Variants in ALDH1A1 observed in about 807,000 individuals in gnomAD.
ALDH1A1 encodes the protein aldehyde dehydrogenase 1A1.
ALDH1A1 carries 19 observed loss-of-function variants against 62.1 expected under a neutral mutation model. That is an observed-to-expected ratio of 0.31 (90% confidence interval 0.21 to 0.45). The LOEUF is 0.45. Ranked by LOEUF, ALDH1A1 falls within the 20% of genes least tolerant of loss-of-function variation. ALDH1A1 has a pLI of 1.00. For synonymous variants in ALDH1A1, 231 were observed against 215.9 expected (o/e 1.07, Z -0.61); for missense variants, 521 against 607.1 (o/e 0.86, Z 1.49).
At position 72,929,032 on chromosome 9, in the gene ALDH1A1, T is replaced by C. The variant is rs558934997; in HGVS notation, c.313-11A>G. 10 of 1,600,020 alleles carry C rather than the reference T, an allele frequency of 6.2e-6. No individual in the cohort carries two copies. The highest frequency in any genetic ancestry group is 7.7e-6 in the Non-Finnish European group (9 of 1,176,178). On this transcript the variant is annotated splice_polypyrimidine_tract_variant and intron_variant, in intron 3 of 12. Transcript: ENST00000297785. ...CATTGACTCCATTGTCTGAAAAACA[T>C]GTCAAACACCAAATCTAAAATTCCA... is the stretch of plus-strand genomic sequence containing the variant.
At chr9:72,918,442 C>T (rs1307636548) in intron 8 of ALDH1A1, among the ~76,000 whole-genome samples, 1 of 151,978 alleles carries the variant, frequency 6.6e-6, no homozygotes, top group African/African-American at 2.4e-5. Flanking sequence ...TACACCATGG[C>T]ATTTAAATGC....
At chr9:72,912,581 G>T (rs892513967) in intron 9 of ALDH1A1, among the ~76,000 whole-genome samples, 1 of 152,108 alleles carries the variant, frequency 6.6e-6, no homozygotes, top group Non-Finnish European at 1.5e-5. Flanking sequence ...GAAGACTCCC[G>T]AGCCTCTGTT....
At chr9:72,930,254 A>G (rs1053876050) in intron 3 of ALDH1A1, among the ~76,000 whole-genome samples, 1 of 152,200 alleles carries the variant, frequency 6.6e-6, no homozygotes, top group Non-Finnish European at 1.5e-5. Flanking sequence ...TAAAACATAA[A>G]CAAACAAAAA....
At chr9:72,910,192 T>C (rs1293800398) in intron 10 of ALDH1A1, among the ~76,000 whole-genome samples, 2 of 152,194 alleles carry the variant, frequency 1.3e-5, no homozygotes, top group African/African-American at 4.8e-5. Flanking sequence ...GATAATCTGC[T>C]GGATAAATGA....
intron 7 of ALDH1A1, among the ~76,000 whole-genome samples, chr9:72,920,605 T>G (rs1380510274): frequency 1.3e-5 from 2 of 152,278 alleles, no homozygotes; most frequent in Middle Eastern, 6.8e-3. Context: ...AGAACTAGGA[T>G]GAAGAATGGT....
intron 2 of ALDH1A1, among the ~76,000 whole-genome samples, chr9:72,935,473 T>C (rs987571029): frequency 1.3e-5 from 2 of 152,216 alleles, no homozygotes; most frequent in Non-Finnish European, 2.9e-5. Context: ...ATGGTACATT[T>C]CCATATTAAA....
intron 2 of ALDH1A1, among the ~76,000 whole-genome samples, chr9:72,934,526 T>A (rs576338221): frequency 4.6e-5 from 7 of 152,298 alleles, no homozygotes; most frequent in Admixed American, 2.6e-4. Flanking sequence ...ACTTAGTGTT[T>A]ACATTTTTTC....
chr9:72,942,174 TCTAG>T, intron 1 of ALDH1A1: 2 of 514,152 alleles, frequency 3.9e-6, no homozygotes, highest in Non-Finnish European at 5.0e-6. Context: ...GAATCAACAC[TCTAG>T]CTATCAGAAA....
chr9:72,919,033 C>T (rs1023286703), intron 7 of ALDH1A1, among the ~76,000 whole-genome samples: 5 of 152,030 alleles, frequency 3.3e-5, no homozygotes, highest in African/African-American at 1.2e-4. Flanking sequence ...CTCCGCCTCC[C>T]GGGTTCAAGT....
intron 9 of ALDH1A1, among the ~76,000 whole-genome samples, chr9:72,912,387 A>G (rs79282726): frequency 2.3e-4 from 35 of 152,336 alleles, no homozygotes; most frequent in African/African-American, 8.2e-4. Context: ...CTGCAAACAC[A>G]TAAAAAACAC....
chr9:72,918,701 C>A lies in ALDH1A1; in HGVS notation c.850+19G>T. 1 of 1,255,416 alleles carries A rather than the reference C, an allele frequency of 8.0e-7. No individual in the cohort carries two copies. Among genetic ancestry groups the A allele is most frequent in the Non-Finnish European group, 1.0e-6 (1 of 970,236 alleles). 77.8% of individuals were successfully genotyped at this position (1,255,416 alleles called of 1,614,324 possible). On this transcript the variant is annotated intron_variant, in intron 8 of 12. Coordinates refer to ENST00000297785, the MANE Select transcript of ALDH1A1 (RefSeq NM_000689.5). Reference sequence around the variant, plus strand: ...AAAACGATGAAGGACGAAAAGTTAACAAAGTGGTTTCTACTCACAGTCGGC... The same window carrying A: ...AAAACGATGAAGGACGAAAAGTTAAAAAAGTGGTTTCTACTCACAGTCGGC...
At chr9:72,951,146 C>T (rs987400681) in intron 1 of ALDH1A1, among the ~76,000 whole-genome samples, 2 of 151,890 alleles carry the variant, frequency 1.3e-5, no homozygotes, top group Admixed American at 1.3e-4. Context: ...GAGCAAAACG[C>T]CTGCTCTTTG....
intron 1 of ALDH1A1, among the ~76,000 whole-genome samples, chr9:72,950,899 T>A (rs1424115207): frequency 1.3e-5 from 2 of 151,564 alleles, no homozygotes; most frequent in Non-Finnish European, 2.9e-5. Flanking sequence ...GCAAATTCAA[T>A]CCAATTCTTC....
rs116227151 is a variant in ALDH1A1 at position 72,929,677 on chromosome 9, C to A, written c.313-656G>T. On this transcript the variant is annotated intron_variant, in intron 3 of 12. Transcript: ENST00000297785. ...CTCCCCTTTGGCTTCTCTTCTTAAG[C>A]AGGACCTTAAGCTCTTTGAGATCTA... is the stretch of plus-strand genomic sequence containing the variant. Among the ~76,000 whole-genome samples, 311 of 152,312 alleles carry A rather than the reference C, an allele frequency of 2.0e-3. 1 individual carries two copies. Among genetic ancestry groups the A allele is most frequent in the African/African-American group, 7.1e-3 (297 of 41,570 alleles).
At chr9:72,931,543 C>A (rs1830282758) in intron 2 of ALDH1A1, among the ~76,000 whole-genome samples, 1 of 152,138 alleles carries the variant, frequency 6.6e-6, no homozygotes, top group Admixed American at 6.5e-5. Flanking sequence ...TACAGGAATT[C>A]CAGGTCAAGC....
chr9:72,947,451 A>G (rs370298437), intron 1 of ALDH1A1, among the ~76,000 whole-genome samples: 2 of 152,146 alleles, frequency 1.3e-5, no homozygotes, highest in African/African-American at 4.8e-5. Flanking sequence ...AAAGACTGTT[A>G]AGAACACAGA....
At chr9:72,934,265 T>G (rs1016031506) in intron 2 of ALDH1A1, among the ~76,000 whole-genome samples, 1 of 152,144 alleles carries the variant, frequency 6.6e-6, no homozygotes, top group Non-Finnish European at 1.5e-5. Flanking sequence ...AATCCTTCCT[T>G]TCAGTTTTCA....
In ALDH1A1 at chr9:72,928,884, A is replaced by T; in HGVS notation, c.442+8T>A. On this transcript the variant is annotated splice_region_variant and intron_variant, in intron 4 of 12. Coordinates refer to ENST00000297785, the MANE Select transcript of ALDH1A1 (RefSeq NM_000689.5). ...CCTCACCATTAGTGGTTTCTCAAAG[A>T]TACTTACCAATTGGTATTGTACGGC... is the stretch of plus-strand genomic sequence containing the variant. The T allele has an allele frequency of 6.2e-7, 1 of 1,613,114 alleles. No homozygotes were observed.
intron 1 of ALDH1A1, chr9:72,942,474 A>T (rs1332152122): frequency 1.4e-6 from 1 of 716,916 alleles, no homozygotes; most frequent in Non-Finnish European, 1.7e-6. Context: ...CAAGTATAAA[A>T]AAGCTTTCCC....
Sources: gnomAD v4.1 joint callset for allele counts (sites outside exome capture counted in the v4.1 genomes callset) on GRCh38, gnomAD v4.1.1 for gene constraint, MANE v1.5 for transcripts, NCBI Gene and HGNC (gene_info 2026-07-23, HGNC 2026-07-21) for gene names.